Variants in GALNT9 observed in about 807,000 individuals in gnomAD.
GALNT9 encodes the protein GalNAc transferase 9.
Under a neutral mutation model 63.1 loss-of-function variants are expected in GALNT9, and 47 were observed. The observed-to-expected ratio is 0.75, with a 90% CI of 0.59 to 0.95. The LOEUF is 0.95. Among genes scored for constraint, GALNT9 ranks in the 40% least tolerant of loss-of-function variants. The pLI is 0.00. For synonymous variants in GALNT9, 396 were observed against 365.7 expected, an observed-to-expected ratio of 1.08 and a Z score of -0.94; for missense variants, 829 against 874.8, an observed-to-expected ratio of 0.95 and a Z score of 0.66.
At chr12:132,217,441 T>C (rs571855383) in intron 6 of GALNT9, among the ~76,000 whole-genome samples, 1 of 147,702 alleles carries the variant, frequency 6.8e-6, no homozygotes, top group African/African-American at 2.5e-5. Context: ...CACTCATTCA[T>C]CTATCCATCC....
At chr12:132,308,969 G>C (rs564184639) in intron 1 of GALNT9, among the ~76,000 whole-genome samples, 13 of 152,336 alleles carry the variant, frequency 8.5e-5, no homozygotes, top group African/African-American at 2.9e-4. Flanking sequence ...CTGTGGAGCA[G>C]GGGTCAGCTG....
At chr12:132,326,021 CGCTGCCCAG>C (rs1869021319) in intron 1 of GALNT9, among the ~76,000 whole-genome samples, 2 of 152,254 alleles carry the variant, frequency 1.3e-5, no homozygotes, top group Admixed American at 6.5e-5. Flanking sequence ...CATGCCTTAG[CGCTGCCCAG>C]GCCTCGCATG....
intron 8 of GALNT9, chr12:132,200,535 CTG>C (rs1196283458): frequency 6.6e-6 from 1 of 152,540 alleles, no homozygotes; most frequent in Non-Finnish European, 1.5e-5. Context: ...TAACAAGGGC[CTG>C]TGTGTTTATC....
chr12:132,287,158 C>T (rs544169465), intron 1 of GALNT9, among the ~76,000 whole-genome samples: 2 of 151,174 alleles, frequency 1.3e-5, no homozygotes, highest in East Asian at 2.0e-4. Flanking sequence ...CGCACGCCAG[C>T]CCCCCGTGAG....
intron 2 of GALNT9, chr12:132,284,597 T>A (rs184238678): frequency 6.6e-6 from 1 of 152,232 alleles, no homozygotes; most frequent in African/African-American, 2.4e-5. Flanking sequence ...AATAAAATAA[T>A]GTTGTCACAC....
rs1295846797 is a variant in GALNT9 at position 132,315,704 on chromosome 12, C to T, written c.238+13262G>A. 1.3e-5 allele frequency among the ~76,000 whole-genome samples: 2 copies of T among 152,178 alleles called. No homozygotes were observed. The highest frequency in any genetic ancestry group is 1.9e-4 in the East Asian group (1 of 5,188). ...TCCCAGTTCTGCCATTACCAGGCTG[C>T]GCATCCACACTCAGCCCTGGTGTCC... On this transcript the variant is annotated intron_variant, in intron 1 of 10. Transcript: ENST00000328957. This position sits in a 1 kb window ranked among gnomAD's most constrained non-coding sequence, Gnocchi z 6.1.
intron 7 of GALNT9, among the ~76,000 whole-genome samples, chr12:132,202,090 C>T (rs1876188856): frequency 6.6e-6 from 1 of 152,246 alleles, no homozygotes; most frequent in Admixed American, 6.5e-5. Context: ...CTTCTCTGTG[C>T]CTCAGTTACT....
chr12:132,290,047 G>A (rs1426094189), intron 1 of GALNT9, among the ~76,000 whole-genome samples: 1 of 152,186 alleles, frequency 6.6e-6, no homozygotes, highest in African/African-American at 2.4e-5. Context: ...AGCTGCTCGG[G>A]GGACACCAGT....
At chr12:132,288,356 G>C (rs1387621394) in intron 1 of GALNT9, among the ~76,000 whole-genome samples, 1 of 152,254 alleles carries the variant, frequency 6.6e-6, no homozygotes, top group African/African-American at 2.4e-5. Context: ...ATTGGACGTA[G>C]AATTGAAAAA....
intron 5 of GALNT9, among the ~76,000 whole-genome samples, chr12:132,250,757 C>T (rs1878882849): frequency 6.6e-6 from 1 of 152,196 alleles, no homozygotes; most frequent in Admixed American, 6.5e-5. Flanking sequence ...CGCCACTGCA[C>T]TCCAGCCCGG....
At chr12:132,235,311 G>T (rs1392296192) in intron 6 of GALNT9, among the ~76,000 whole-genome samples, 7 of 152,036 alleles carry the variant, frequency 4.6e-5, no homozygotes, top group African/African-American at 1.7e-4. Flanking sequence ...TGCACGGTGT[G>T]GTCATTGGAG....
chr12:132,215,925 C>T (rs765195960), intron 6 of GALNT9, among the ~76,000 whole-genome samples: 1 of 152,220 alleles, frequency 6.6e-6, no homozygotes, highest in Non-Finnish European at 1.5e-5. Context: ...TGAGGGGCTG[C>T]GTCCCCCTCC....
chr12:132,269,710 C>A (rs1287573843), intron 2 of GALNT9, among the ~76,000 whole-genome samples: 1 of 152,200 alleles, frequency 6.6e-6, no homozygotes, highest in Non-Finnish European at 1.5e-5. Context: ...CCGCTGGGAA[C>A]GCGTACCTGG....
chr12:132,225,465 G>A (rs929682441), intron 6 of GALNT9, among the ~76,000 whole-genome samples: 2 of 130,304 alleles, frequency 1.5e-5, no homozygotes, highest in East Asian at 5.1e-4. Flanking sequence ...AAACTCCACT[G>A]TACATACACA....
At chr12:132,251,561 C>T (rs1307243971) in intron 5 of GALNT9, among the ~76,000 whole-genome samples, 1 of 152,326 alleles carries the variant, frequency 6.6e-6, no homozygotes, top group Non-Finnish European at 1.5e-5. Context: ...GGGCCCACAC[C>T]GCCCTCCCAG....
chr12:132,307,550 C>T (rs1340406291), intron 1 of GALNT9, among the ~76,000 whole-genome samples: 7 of 151,800 alleles, frequency 4.6e-5, no homozygotes, highest in South Asian at 2.1e-4. Flanking sequence ...AAGAGAGAAG[C>T]GGGCCGGACA....
rs1880617290 is a variant in GALNT9, at chr12:132,286,980, AG to A, written c.239-551del. Reference sequence around the variant, plus strand: ...AGGCCTCCCAAAGTGCTGGGATTACAGGCGTGAGTCACTGCACTGGCCAATA... The same window carrying A: ...AGGCCTCCCAAAGTGCTGGGATTACAGCGTGAGTCACTGCACTGGCCAATA... On this transcript the variant is annotated intron_variant, in intron 1 of 10. Coordinates refer to ENST00000328957, the MANE Select transcript of GALNT9 (RefSeq NM_001122636.2). This position sits in a 1 kb window ranked among gnomAD's most constrained non-coding sequence, Gnocchi z 7.4. Among the ~76,000 whole-genome samples, 1 of 150,098 alleles carries A rather than the reference AG, an allele frequency of 6.7e-6. No individual in the cohort carries two copies. Among genetic ancestry groups the A allele is most frequent in the Non-Finnish European group, 1.5e-5 (1 of 67,576 alleles).
At chr12:132,240,526 G>C (rs1216084425) in intron 6 of GALNT9, 1 of 439,092 alleles carries the variant, frequency 2.3e-6, no homozygotes, top group African/African-American at 2.0e-5. Flanking sequence ...TGGCAGTGCT[G>C]CTGTGGGCCT....
rs1421822549 is a variant in GALNT9, at chr12:132,199,233, G to T, written c.1438C>A (p.Gln480Lys). The T allele has an allele frequency of 6.2e-7, 1 of 1,605,114 alleles. No homozygotes were observed. The highest frequency in any genetic ancestry group is 1.7e-5 in the Admixed American group (1 of 59,984). ...NSKASAYCLD[Q>K]GAEDGDRAIL... ...GCCCGGTCGCCGTCCTCCGCTCCCT[G>T]GTCCAGACAGTAGGCACTGGCTTTG... The change falls in exon 9 of 11, where the codon CAG (glutamine) becomes AAG (lysine). Residue 480 changes from glutamine (Q) to lysine (K), a missense_variant. Physicochemically the swap from Gln to Lys is moderately conservative, Grantham distance 53. Coordinates refer to ENST00000328957, the MANE Select transcript of GALNT9 (RefSeq NM_001122636.2).
Sources: allele counts gnomAD v4.1 joint callset (sites outside exome capture counted in the v4.1 genomes callset), GRCh38; gene constraint gnomAD v4.1.1; non-coding constraint Gnocchi (gnomAD v3.1); transcripts MANE v1.5; gene names NCBI Gene and HGNC (gene_info 2026-07-23, HGNC 2026-07-21).